The following CLSTN2 variants were observed in gnomAD, a reference collection of about 807,000 sequenced individuals.
CLSTN2 encodes the protein calsyntenin 2.
CLSTN2 carries 48 observed loss-of-function variants against 101.2 expected under a neutral mutation model. That is an observed-to-expected ratio of 0.47 (90% CI 0.38 to 0.60). The LOEUF (loss-of-function observed/expected upper bound fraction) is 0.60. Ranked by LOEUF, CLSTN2 falls within the 20% of genes least tolerant of loss-of-function variation. The pLI, the probability that CLSTN2 is intolerant of heterozygous loss-of-function variation, is 0.00. For synonymous variants in CLSTN2, 481 were observed against 463.6 expected, an observed-to-expected ratio of 1.04 and a Z score of -0.48; for missense variants, 1,160 against 1,238.2, an observed-to-expected ratio of 0.94 and a Z score of 0.95.
chr3:140,339,234 T>C (rs1296541032), intron 2 of CLSTN2, among the ~76,000 whole-genome samples: 2 of 152,172 alleles, frequency 1.3e-5, no homozygotes, highest in Non-Finnish European at 2.9e-5. Flanking sequence ...CTATTTGTGC[T>C]TTTTTGAAAT....
At chr3:140,478,888 AAG>A (rs1934052363) in intron 8 of CLSTN2, among the ~76,000 whole-genome samples, 1 of 150,658 alleles carries the variant, frequency 6.6e-6, no homozygotes, top group Admixed American at 6.6e-5. Context: ...GGAAGGAAGG[AAG>A]GAAGGAAGGA....
chr3:140,158,235 G>A (rs574472902), intron 1 of CLSTN2, among the ~76,000 whole-genome samples: 1 of 152,056 alleles, frequency 6.6e-6, no homozygotes, highest in Non-Finnish European at 1.5e-5. Context: ...GAAATAAAAG[G>A]CACCCTAATA....
At chr3:140,259,117 A>T (rs771151880) in intron 2 of CLSTN2, among the ~76,000 whole-genome samples, 27 of 151,270 alleles carry the variant, frequency 1.8e-4, no homozygotes, top group Non-Finnish European at 2.2e-4. Context: ...ATTTTTTTTT[A>T]AAAGACAAAA....
intron 1 of CLSTN2, among the ~76,000 whole-genome samples, chr3:140,024,961 T>C (rs143048750): frequency 6.6e-5 from 10 of 152,340 alleles, no homozygotes; most frequent in African/African-American, 9.6e-5. Flanking sequence ...TTAATAGTTA[T>C]ATACAAAGGT....
chr3:140,269,734 A>G (rs1038833758), intron 2 of CLSTN2, among the ~76,000 whole-genome samples: 1 of 152,192 alleles, frequency 6.6e-6, no homozygotes, highest in Admixed American at 6.5e-5. Flanking sequence ...TGTAGCTCCT[A>G]AACTGCACCT....
intron 2 of CLSTN2, among the ~76,000 whole-genome samples, chr3:140,272,859 G>A (rs1452018466): frequency 6.6e-6 from 1 of 151,996 alleles, no homozygotes; most frequent in Non-Finnish European, 1.5e-5. Context: ...AATCTTTAAG[G>A]AAGGTTGTGA....
At chr3:140,472,697 A>T (rs367790636) in intron 8 of CLSTN2, among the ~76,000 whole-genome samples, 40 of 150,818 alleles carry the variant, frequency 2.7e-4, no homozygotes, top group African/African-American at 9.4e-4. Flanking sequence ...GGATGTCCAG[A>T]ATGTCTTTTT....
intron 9 of CLSTN2, among the ~76,000 whole-genome samples, chr3:140,535,569 C>T (rs1409688864): frequency 6.6e-6 from 1 of 152,202 alleles, no homozygotes; most frequent in African/African-American, 2.4e-5. Context: ...GGACTGATCT[C>T]CCTTAGAGTT....
At chr3:140,191,920 G>A (rs1281796720) in intron 2 of CLSTN2, among the ~76,000 whole-genome samples, 1 of 151,718 alleles carries the variant, frequency 6.6e-6, no homozygotes, top group African/African-American at 2.4e-5. Flanking sequence ...TTACCTAGAT[G>A]TTTAAGGTGG....
At position 140,566,313 on chromosome 3, in the gene CLSTN2, G is replaced by A; in HGVS notation, c.*60G>A. 3 of 1,480,068 alleles carry A rather than the reference G, an allele frequency of 2.0e-6. No homozygotes were observed. Among genetic ancestry groups the A allele is most frequent in the Non-Finnish European group, 2.8e-6 (3 of 1,084,166 alleles). The allele number at this position is 1,480,068 out of a possible 1,614,324, so 91.7% of individuals were successfully genotyped here. A position where few individuals can be genotyped will look rare whatever the true frequency, so the allele number is the denominator to read the frequency against. On this transcript the variant is annotated 3_prime_UTR_variant, in exon 17 of 17. Coordinates refer to ENST00000458420, the MANE Select transcript of CLSTN2 (RefSeq NM_022131.3). ...TTTTGTAAACCCTGACCCAGTGTATGCCCATGTCTATCATACCTCACCTCT... is the reference window on the plus strand; with the variant it reads ...TTTTGTAAACCCTGACCCAGTGTATACCCATGTCTATCATACCTCACCTCT...
chr3:140,346,228 C>T (rs1017543365), intron 2 of CLSTN2, among the ~76,000 whole-genome samples: 4 of 152,138 alleles, frequency 2.6e-5, no homozygotes, highest in African/African-American at 9.7e-5. Context: ...CATCAGTTAC[C>T]ACACTGTTTA....
At chr3:140,451,436 T>G (rs1933248716) in intron 6 of CLSTN2, among the ~76,000 whole-genome samples, 1 of 152,196 alleles carries the variant, frequency 6.6e-6, no homozygotes. Context: ...AGTTGGGAGC[T>G]GCCCTTTGAA....
At chr3:140,157,290 T>C (rs187885859) in intron 1 of CLSTN2, among the ~76,000 whole-genome samples, 1 of 152,304 alleles carries the variant, frequency 6.6e-6, no homozygotes, top group Admixed American at 6.5e-5. Flanking sequence ...CTCAATGTTT[T>C]GGAAGAGTTT....
At chr3:140,269,346 A>G (rs2086721417) in intron 2 of CLSTN2, among the ~76,000 whole-genome samples, 1 of 152,230 alleles carries the variant, frequency 6.6e-6, no homozygotes, top group Non-Finnish European at 1.5e-5. Flanking sequence ...GAACATTTGC[A>G]TTAATTAAAT....
At chr3:140,444,216 G>A (rs577082327) in intron 5 of CLSTN2, among the ~76,000 whole-genome samples, 37 of 152,296 alleles carry the variant, frequency 2.4e-4, no homozygotes, top group African/African-American at 7.9e-4. Flanking sequence ...GCTCACCTAA[G>A]GTCAGGAGTT....
In CLSTN2 at chr3:140,391,163, G is replaced by A. The variant is rs547087641; in HGVS notation, c.233-12466G>A. ...CTCCAGGATTCTACTCTCACACTCA[G>A]GCAATCCTGTTTACCTGCTAGAAAG... On this transcript the variant is annotated intron_variant, in intron 2 of 16. Transcript: ENST00000458420. 4.6e-5 allele frequency among the ~76,000 whole-genome samples: 7 copies of A among 152,168 alleles called. No individual in the cohort carries two copies. The South Asian group carries it at 1.5e-3, about 32-fold the overall frequency.
At chr3:140,378,158 C>A (rs764356233) in intron 2 of CLSTN2, among the ~76,000 whole-genome samples, 11 of 152,174 alleles carry the variant, frequency 7.2e-5, no homozygotes, top group Non-Finnish European at 1.0e-4. Context: ...GTGTAAAAGT[C>A]CACTTTATGA....
intron 5 of CLSTN2, among the ~76,000 whole-genome samples, chr3:140,443,215 T>C (rs1292551706): frequency 6.6e-6 from 1 of 152,256 alleles, no homozygotes. Flanking sequence ...TGGAGGCTCC[T>C]GTGCGTGCAC....
In CLSTN2 at chr3:140,569,798, ACT is replaced by A. The variant is rs1985467148; in HGVS notation, c.*3547_*3548del. The A allele has an allele frequency of 6.6e-6, 1 of 151,838 alleles. No homozygotes were observed. The allele number at this position is 151,838 out of a possible 1,614,324, so 9.4% of individuals were successfully genotyped here. A position where few individuals can be genotyped will look rare whatever the true frequency, so the allele number is the denominator to read the frequency against. On this transcript the variant is annotated 3_prime_UTR_variant, in exon 17 of 17. Transcript: ENST00000458420. ...GGTTCAAGCGAGTTTCCTGCCTCAGACTCCCGAGTAGCTGGGATTACAGGCAT... is the reference window on the plus strand; with the variant it reads ...GGTTCAAGCGAGTTTCCTGCCTCAGACCCGAGTAGCTGGGATTACAGGCAT...
Sources: allele counts gnomAD v4.1 joint callset (sites outside exome capture counted in the v4.1 genomes callset), GRCh38; gene constraint gnomAD v4.1.1; transcripts MANE v1.5; gene names NCBI Gene and HGNC (gene_info 2026-07-23, HGNC 2026-07-21).